PRKG1: variants seen among roughly 807,000 people sequenced by gnomAD.
PRKG1 encodes cGMP-dependent protein kinase 1.
Under a neutral mutation model 88.1 loss-of-function variants are expected in PRKG1, and 35 were observed. The observed-to-expected ratio is 0.40, with a 90% CI of 0.30 to 0.53. The LOEUF (loss-of-function observed/expected upper bound fraction) is 0.53, where lower values mean the gene tolerates loss of function less well. Ranked by LOEUF, PRKG1 falls within the 20% of genes least tolerant of loss-of-function variation. The pLI is 0.59. For synonymous variants in PRKG1, 303 were observed against 292.5 expected, an observed-to-expected ratio of 1.04 and a Z score of -0.37; for missense variants, 540 against 839.8, an observed-to-expected ratio of 0.64 and a Z score of 4.41.
intron 9 of PRKG1, among the ~76,000 whole-genome samples, chr10:52,209,886 C>A (rs1004071959): frequency 6.6e-6 from 1 of 152,114 alleles, no homozygotes; most frequent in Non-Finnish European, 1.5e-5. Context: ...TCCCTGTGAC[C>A]CTCTCCTCAG....
intron 5 of PRKG1, among the ~76,000 whole-genome samples, chr10:51,930,834 T>G (rs763341916): frequency 1.3e-5 from 2 of 152,168 alleles, no homozygotes; most frequent in Admixed American, 1.3e-4. Context: ...ACGTAGTAGT[T>G]TTCATTATGT....
At chr10:51,703,306 A>T (rs1297046359) in intron 3 of PRKG1, among the ~76,000 whole-genome samples, 2 of 152,224 alleles carry the variant, frequency 1.3e-5, no homozygotes, top group Admixed American at 1.3e-4. Flanking sequence ...AATTCCAAAG[A>T]CAAGAACTAC....
At chr10:52,138,421 A>G (rs3886884) in intron 8 of PRKG1, among the ~76,000 whole-genome samples, 58,677 of 151,978 alleles carry the variant, frequency 0.39, 12,010 homozygotes, top group East Asian at 0.64. Flanking sequence ...TTTAAATAAA[A>G]TCAATTAGAA....
At chr10:51,342,536 T>C (rs1842024702) in intron 2 of PRKG1, among the ~76,000 whole-genome samples, 1 of 152,154 alleles carries the variant, frequency 6.6e-6, no homozygotes, top group Non-Finnish European at 1.5e-5. Context: ...CAGTATCTCC[T>C]GGACAACTTC....
chr10:52,257,768 T>C (rs2132410684), intron 10 of PRKG1, among the ~76,000 whole-genome samples: 1 of 139,762 alleles, frequency 7.2e-6, no homozygotes, highest in African/African-American at 2.5e-5. Context: ...GGACAAAAAT[T>C]ATTAACTCTA....
chr10:51,670,499 G>A (rs1840530472), intron 3 of PRKG1, among the ~76,000 whole-genome samples: 2 of 151,138 alleles, frequency 1.3e-5, no homozygotes, highest in East Asian at 3.9e-4. Flanking sequence ...CACTTTGGGA[G>A]GCCGAGGCGG....
At position 51,406,196 on chromosome 10, in the gene PRKG1, A is replaced by T. The variant is rs556021131; in HGVS notation, c.479-61527A>T. 9.9e-5 allele frequency among the ~76,000 whole-genome samples: 15 copies of T among 152,282 alleles called. No homozygotes were observed. In the South Asian group the frequency reaches 3.1e-3, roughly 32 times the overall value. ...CCACTGCCTGCTGCTGCAGAACTCA[A>T]CCAATGAAATCAATTTGTTGTCGAC... is the stretch of plus-strand genomic sequence containing the variant. On this transcript the variant is annotated intron_variant, in intron 2 of 17. Coordinates refer to ENST00000373980, the MANE Select transcript of PRKG1 (RefSeq NM_006258.4).
At chr10:52,157,480 A>G (rs954344794) in intron 8 of PRKG1, among the ~76,000 whole-genome samples, 1 of 151,098 alleles carries the variant, frequency 6.6e-6, no homozygotes, top group African/African-American at 2.4e-5. Context: ...AAGTCTCATT[A>G]TATCACAACT....
In PRKG1 at chr10:51,605,447, T is replaced by A. The variant is rs147107749; in HGVS notation, c.592+137611T>A. 1.8e-3 allele frequency among the ~76,000 whole-genome samples: 267 copies of A among 152,326 alleles called. 1 individual carries two copies. The highest frequency in any genetic ancestry group is 6.2e-3 in the African/African-American group (257 of 41,588). ...TTACATTGCAAAGGTGGTTGCTTTC[T>A]GCCTTATCCTGGGAAACAGACATAT... On this transcript the variant is annotated intron_variant, in intron 3 of 17. Transcript: ENST00000373980.
intron 2 of PRKG1, among the ~76,000 whole-genome samples, chr10:51,317,721 C>T (rs1464362978): frequency 6.6e-6 from 1 of 152,210 alleles, no homozygotes; most frequent in Non-Finnish European, 1.5e-5. Flanking sequence ...AACATTGCAA[C>T]TCCTGTCACC....
intron 2 of PRKG1, among the ~76,000 whole-genome samples, chr10:51,353,039 T>C (rs1447487157): frequency 2.0e-5 from 3 of 152,186 alleles, no homozygotes; most frequent in African/African-American, 4.8e-5. Flanking sequence ...AGAACATTCA[T>C]TGGGGAAAAG....
chr10:51,713,192 C>T (rs951920283), intron 3 of PRKG1, among the ~76,000 whole-genome samples: 1 of 152,168 alleles, frequency 6.6e-6, no homozygotes, highest in African/African-American at 2.4e-5. Flanking sequence ...TCACCAGCAG[C>T]CACATTTTCT....
chr10:52,146,560 G>A (rs1250751734), intron 8 of PRKG1, among the ~76,000 whole-genome samples: 1 of 152,198 alleles, frequency 6.6e-6, no homozygotes, highest in Non-Finnish European at 1.5e-5. Flanking sequence ...AAAACACACA[G>A]CTTGTAAGTA....
chr10:51,537,120 T>A (rs965554195), intron 3 of PRKG1, among the ~76,000 whole-genome samples: 7 of 152,174 alleles, frequency 4.6e-5, no homozygotes, highest in African/African-American at 1.7e-4. Flanking sequence ...AAATGGGTTC[T>A]GACAGGCTGC....
intron 7 of PRKG1, among the ~76,000 whole-genome samples, chr10:52,123,338 A>G (rs1046821681): frequency 6.6e-6 from 1 of 152,166 alleles, no homozygotes. Flanking sequence ...GACCAGGAAG[A>G]ATAAACCTTG....
chr10:51,287,722 T>C (rs903923533), intron 2 of PRKG1, among the ~76,000 whole-genome samples: 1 of 152,120 alleles, frequency 6.6e-6, no homozygotes, highest in Non-Finnish European at 1.5e-5. Context: ...GGGGTGATTT[T>C]GTAGGTCTGG....
chr10:51,248,151 A>G (rs1343790452), intron 2 of PRKG1, among the ~76,000 whole-genome samples: 1 of 151,892 alleles, frequency 6.6e-6, no homozygotes, highest in African/African-American at 2.4e-5. Context: ...TTAAGCTTTA[A>G]GGGTTGCTCT....
At chr10:52,144,112 A>T (rs1564488370) in intron 8 of PRKG1, among the ~76,000 whole-genome samples, 1 of 152,150 alleles carries the variant, frequency 6.6e-6, no homozygotes, top group Non-Finnish European at 1.5e-5. Flanking sequence ...GTATATTACA[A>T]GTGAGGAAGG....
intron 3 of PRKG1, among the ~76,000 whole-genome samples, chr10:51,531,447 C>T (rs576698893): frequency 1.3e-5 from 2 of 152,168 alleles, no homozygotes; most frequent in African/African-American, 2.4e-5. Flanking sequence ...TGTGGTTTCA[C>T]TCTGCAGAAA....
Sources: allele counts gnomAD v4.1 joint callset (sites outside exome capture counted in the v4.1 genomes callset), GRCh38; gene constraint gnomAD v4.1.1; transcripts MANE v1.5; gene names NCBI Gene and HGNC (gene_info 2026-07-23, HGNC 2026-07-21).